Variants in AGBL1 observed in about 807,000 individuals in gnomAD.
The protein encoded by AGBL1 is cytosolic carboxypeptidase 4.
A neutral mutation model predicts 118.9 loss-of-function variants in AGBL1; 130 were observed. That is an observed-to-expected ratio of 1.09 (90% confidence interval 0.95 to 1.26). AGBL1 has a LOEUF of 1.26. Among genes scored for constraint, AGBL1 ranks in the 50% most tolerant of loss-of-function variants. The pLI is 0.00. For synonymous variants in AGBL1, 555 were observed against 478.9 expected, an observed-to-expected ratio of 1.16 and a Z score of -2.08; for missense variants, 1,584 against 1,298.1, an observed-to-expected ratio of 1.22 and a Z score of -3.38.
chr15:86,417,892 G>C (rs2081719528), intron 18 of AGBL1, among the ~76,000 whole-genome samples: 1 of 152,118 alleles, frequency 6.6e-6, no homozygotes, highest in African/African-American at 2.4e-5. Flanking sequence ...TCTTTTGATG[G>C]CCTAATCCTA....
chr15:86,183,770 A>T (rs1471269652), intron 5 of AGBL1, among the ~76,000 whole-genome samples: 1 of 152,202 alleles, frequency 6.6e-6, no homozygotes, highest in Non-Finnish European at 1.5e-5. Context: ...TCCCCCAAAA[A>T]TGCTTTTCAG....
chr15:86,719,331 C>T (rs1317232398), intron 22 of AGBL1, among the ~76,000 whole-genome samples: 1 of 152,052 alleles, frequency 6.6e-6, no homozygotes, highest in African/African-American at 2.4e-5. Context: ...CCTCCAAGCA[C>T]CTTACATACA....
At chr15:87,018,808 A>G (rs772520632) in intron 24 of AGBL1, among the ~76,000 whole-genome samples, 8 of 152,152 alleles carry the variant, frequency 5.3e-5, no homozygotes, top group Non-Finnish European at 1.2e-4. Context: ...AAATGCCCCA[A>G]TGAAAAGGCA....
chr15:86,141,716 C>A (rs1013280861), intron 1 of AGBL1, among the ~76,000 whole-genome samples: 17 of 152,170 alleles, frequency 1.1e-4, no homozygotes, highest in Admixed American at 6.5e-5. Flanking sequence ...GCCCACAAAG[C>A]CCCTTTTACT....
At chr15:86,899,927 G>A (rs2080187633) in intron 22 of AGBL1, among the ~76,000 whole-genome samples, 1 of 152,136 alleles carries the variant, frequency 6.6e-6, no homozygotes, top group East Asian at 1.9e-4. Context: ...CAATCTGGGT[G>A]GGCACCATCT....
intron 21 of AGBL1, among the ~76,000 whole-genome samples, chr15:86,579,116 C>G (rs1375744105): frequency 6.6e-6 from 1 of 152,136 alleles, no homozygotes; most frequent in African/African-American, 2.4e-5. Context: ...AAATGCTTGA[C>G]AAGTAGTCAG....
rs143717934 is a variant in AGBL1, at chr15:86,719,771, T to C, written c.3158+45335T>C. On this transcript the variant is annotated intron_variant, in intron 22 of 22. Transcript: ENST00000614907. ...CTAAAATGTATCACTTGTGTGAACTTGGATGAAGTAATTAGTCTTTCCAGG... is the reference window on the plus strand; with the variant it reads ...CTAAAATGTATCACTTGTGTGAACTCGGATGAAGTAATTAGTCTTTCCAGG... Among the ~76,000 whole-genome samples, 699 of 152,354 alleles carry C rather than the reference T, an allele frequency of 4.6e-3. 4 individuals carry two copies. Among genetic ancestry groups the C allele is most frequent in the Middle Eastern group, 0.014 (4 of 294 alleles).
chr15:86,785,883 A>G (rs1476816998), intron 22 of AGBL1, among the ~76,000 whole-genome samples: 1 of 152,170 alleles, frequency 6.6e-6, no homozygotes, highest in African/African-American at 2.4e-5. Flanking sequence ...TAGTTACAGA[A>G]ACTCAAACAG....
intron 21 of AGBL1, among the ~76,000 whole-genome samples, chr15:86,648,700 A>G (rs1362085596): frequency 6.6e-6 from 1 of 152,240 alleles, no homozygotes; most frequent in African/African-American, 2.4e-5. Context: ...AGAGACTAAC[A>G]GAAGACAATA....
At position 86,968,540 on chromosome 15, in the gene AGBL1, G is replaced by C. The variant is rs73447198; in HGVS notation, c.3222-19447G>C. Among the ~76,000 whole-genome samples the C allele has an allele frequency of 8.5e-3, 1,281 of 150,672 alleles. 16 individuals carry two copies. The highest frequency in any genetic ancestry group is 0.03 in the African/African-American group (1,229 of 41,058). ...AGTTTTCTATCAAATTAAGACTCTT[G>C]GAAGCAAAATGATCTTAGGCCCCGT... On this transcript the variant is annotated intron_variant, in intron 23 of 24. Coordinates refer to the AGBL1 transcript ENST00000441037.
At chr15:86,463,654 A>G (rs2082361427) in intron 18 of AGBL1, among the ~76,000 whole-genome samples, 1 of 152,216 alleles carries the variant, frequency 6.6e-6, no homozygotes. Context: ...AGTTTTCTGC[A>G]TATAGCTAGT....
chr15:86,703,619 C>T (rs570853408), intron 22 of AGBL1, among the ~76,000 whole-genome samples: 3 of 151,988 alleles, frequency 2.0e-5, no homozygotes, highest in Admixed American at 1.3e-4. Flanking sequence ...TGTGGAAGGA[C>T]CTGGTGGGAG....
rs150335940 is a variant in AGBL1, at chr15:86,853,327, A to C, written c.3159-53760A>C. On this transcript the variant is annotated intron_variant, in intron 22 of 22. Transcript: ENST00000614907. Reference sequence around the variant, plus strand: ...CATACAAGATCCACAAATAAGCATTAGCAATTAAGCAAGCAGTAGAGAGCT... The same window carrying C: ...CATACAAGATCCACAAATAAGCATTCGCAATTAAGCAAGCAGTAGAGAGCT... Among the ~76,000 whole-genome samples the C allele has an allele frequency of 3.0e-3, 450 of 152,336 alleles. 4 individuals are homozygous for C. Among genetic ancestry groups the C allele is most frequent in the African/African-American group, 0.01 (424 of 41,586 alleles).
intron 17 of AGBL1, among the ~76,000 whole-genome samples, chr15:86,370,282 A>G (rs1452683159): frequency 1.3e-5 from 2 of 149,192 alleles, no homozygotes; most frequent in Non-Finnish European, 3.0e-5. Context: ...AGTAAGCCTC[A>G]TTCCCACTGT....
At chr15:86,142,155 G>A in intron 2 of AGBL1, 88 bp downstream of exon 2, 4 of 1,350,810 alleles carry the variant, frequency 3.0e-6, no homozygotes, top group Non-Finnish European at 4.1e-6. Context: ...TGACCTGGGG[G>A]TTTGCTCTTG....
intron 22 of AGBL1, among the ~76,000 whole-genome samples, chr15:86,717,295 T>A (rs1478042450): frequency 6.6e-6 from 1 of 152,182 alleles, no homozygotes; most frequent in Non-Finnish European, 1.5e-5. Context: ...ATAAAATTCA[T>A]ATATCAGGGG....
chr15:86,751,544 A>C lies in AGBL1; in HGVS notation c.3158+77108A>C, dbSNP rs544971508. 3.3e-5 allele frequency among the ~76,000 whole-genome samples: 5 copies of C among 152,202 alleles called. No homozygotes were observed. The East Asian group carries it at 9.7e-4, about 30-fold the overall frequency. On this transcript the variant is annotated intron_variant, in intron 22 of 22. Coordinates refer to ENST00000614907, the MANE Select transcript of AGBL1 (RefSeq NM_001386094.1). ...CTGACAAATGGGATCTAAATAAACT[A>C]AGGAGCTTCTGCACAGAAAAAGAAA...
chr15:86,098,958 C>G (rs945553744), intron 1 of AGBL1, among the ~76,000 whole-genome samples: 1 of 152,028 alleles, frequency 6.6e-6, no homozygotes, highest in Non-Finnish European at 1.5e-5. Flanking sequence ...GGATGTCTTT[C>G]CATTTTTTAG....
chr15:86,523,099 T>C, intron 19 of AGBL1, 160 bp downstream of exon 19: 3 of 841,600 alleles, frequency 3.6e-6, no homozygotes, highest in Non-Finnish European at 5.7e-6. Context: ...TGGGCTGCTG[T>C]ACCAAACTGC....
Sources: gnomAD v4.1 joint callset for allele counts (sites outside exome capture counted in the v4.1 genomes callset) on GRCh38, gnomAD v4.1.1 for gene constraint, MANE v1.5 for transcripts, NCBI Gene and HGNC (gene_info 2026-07-23, HGNC 2026-07-21) for gene names.